Variants in SETD5 observed in about 807,000 individuals in gnomAD.
The protein encoded by SETD5 is histone-lysine N-methyltransferase SETD5.
A neutral mutation model predicts 153.3 loss-of-function variants in SETD5; 44 were observed. That is an observed-to-expected ratio of 0.29 (90% CI 0.23 to 0.37). The LOEUF (loss-of-function observed/expected upper bound fraction) is 0.37, where lower values mean the gene tolerates loss of function less well. Among genes scored for constraint, SETD5 ranks in the 10% least tolerant of loss-of-function variants. SETD5 has a pLI of 1.00. For synonymous variants in SETD5, 716 were observed against 645.2 expected, an observed-to-expected ratio of 1.11 and a Z score of -1.66; for missense variants, 1,544 against 1,768.0, an observed-to-expected ratio of 0.87 and a Z score of 2.27.
At chr3:9,459,626 CA>C (rs1025468077) in intron 17 of SETD5, among the ~76,000 whole-genome samples, 31 of 130,604 alleles carry the variant, frequency 2.4e-4, no homozygotes, top group Admixed American at 2.5e-4. Context: ...ACAACAACAA[CA>C]AAAAAAAAAA....
intron 1 of SETD5, among the ~76,000 whole-genome samples, chr3:9,418,877 A>G (rs887949840): frequency 6.6e-6 from 1 of 151,612 alleles, no homozygotes; most frequent in Non-Finnish European, 1.5e-5. Context: ...GGGTTTCTAG[A>G]GCGCAGTGGT....
chr3:9,476,087 C>T lies in SETD5; in HGVS notation c.4325C>T (p.Ser1442Phe). 1 of 1,611,584 alleles carries T rather than the reference C, an allele frequency of 6.2e-7. No individual in the cohort carries two copies. Residue 1442 changes from serine (S) to phenylalanine (F), a missense_variant, in exon 23 of 23, where the codon TCC becomes TTC. Transcript: ENST00000402198. The stretch of plus-strand genomic sequence containing the variant: ...GGAGTCAAGACTCAGACGGGACTTT[C>T]CTAGGGCTTCTGGATTTGGGCAAAC... ...GSGVKTQTGLS is the reference protein window; with the variant it reads ...GSGVKTQTGLF
chr3:9,403,605 C>T (rs1388313264), intron 1 of SETD5, among the ~76,000 whole-genome samples: 1 of 152,194 alleles, frequency 6.6e-6, no homozygotes, highest in Middle Eastern at 3.2e-3. Flanking sequence ...TAATTTCAGC[C>T]TCATCCTTAG....
chr3:9,406,089 G>C (rs751149086), intron 1 of SETD5, among the ~76,000 whole-genome samples: 3 of 152,102 alleles, frequency 2.0e-5, no homozygotes, highest in African/African-American at 4.8e-5. Context: ...CCTTATTAAC[G>C]TAGGCTGTTG....
At chr3:9,440,396 A>G (rs1575420127) in intron 7 of SETD5, 60 bp from the exon 8 acceptor site, 3 of 907,326 alleles carry the variant, frequency 3.3e-6, no homozygotes, top group Admixed American at 1.9e-5. Flanking sequence ...TCCCACCCCC[A>G]TTCCCAACCC....
chr3:9,432,198 T>C, intron 3 of SETD5: 3 of 739,238 alleles, frequency 4.1e-6, no homozygotes, highest in Non-Finnish European at 5.0e-6. Context: ...GCAGACACTT[T>C]TAAGTAATAA....
At chr3:9,429,703 C>T in intron 3 of SETD5, 1 of 426,994 alleles carries the variant, frequency 2.3e-6, no homozygotes, top group Non-Finnish European at 3.9e-6. Flanking sequence ...ATATATTATT[C>T]ACAGTTTTAA....
chr3:9,421,128 G>T (rs987799761), intron 1 of SETD5, among the ~76,000 whole-genome samples: 14 of 151,774 alleles, frequency 9.2e-5, no homozygotes, highest in African/African-American at 3.1e-4. Flanking sequence ...GCCTGAGCTA[G>T]TTGGCAGCAG....
chr3:9,423,942 C>T (rs183983380), intron 1 of SETD5, among the ~76,000 whole-genome samples: 37 of 152,228 alleles, frequency 2.4e-4, no homozygotes, highest in Admixed American at 5.2e-4. Flanking sequence ...AGAACTGACT[C>T]CTTTTTATCA....
intron 7 of SETD5, chr3:9,436,963 A>T: frequency 7.5e-7 from 1 of 1,333,122 alleles, no homozygotes; most frequent in Non-Finnish European, 1.0e-6. Context: ...CTTTCCTGAC[A>T]TTGATGGTCT....
chr3:9,445,661 T>C lies in SETD5; in HGVS notation c.1445T>C (p.Val482Ala), dbSNP rs187196435. 43 of 1,613,150 alleles carry C rather than the reference T, an allele frequency of 2.7e-5. No homozygotes were observed. Residue 482 changes from valine to alanine, a missense_variant, in exon 13 of 23, where the codon GTA becomes GCA. Coordinates refer to ENST00000402198, the MANE Select transcript of SETD5 (RefSeq NM_001080517.3). ...KVTVSSDHEE[V>A]DNPEEKPEEE... Reference sequence around the variant, plus strand: ...AATATTGCCTCTATCTTAAAGGAAGTAGACAATCCAGAAGAAAAACCAGAA... The same window carrying C: ...AATATTGCCTCTATCTTAAAGGAAGCAGACAATCCAGAAGAAAAACCAGAA...
Position 9,448,484 on chromosome 3 carries a change from A to G in SETD5, c.2200A>G (p.Thr734Ala), listed in dbSNP as rs918034864. ...CACAACGGATCCAACTGTACTGGCAACGACCCTAAACATGTTACCAGGTCT... is the reference window on the plus strand; with the variant it reads ...CACAACGGATCCAACTGTACTGGCAGCGACCCTAAACATGTTACCAGGTCT... ...RITTDPTVLA[T>A]TLNMLPGLIH... is the part of the protein sequence containing the mutation. The change falls in exon 16 of 23, where the codon ACG becomes GCG. Residue 734 changes from threonine to alanine, a missense_variant. Around this residue, in one of 9 missense-constraint regions of SETD5, gnomAD observed 782 missense variants for 787.2 expected, o/e 0.99. Transcript: ENST00000402198. 2.5e-6 allele frequency: 4 copies of G among 1,613,880 alleles called. No homozygotes were observed. The highest frequency in any genetic ancestry group is 2.5e-6 in the Non-Finnish European group (3 of 1,179,900).
Position 9,445,706 on chromosome 3 carries a change from T to C in SETD5, c.1490T>C (p.Ile497Thr), listed in dbSNP as rs377747511. The change falls in exon 13 of 23, where the codon ATA becomes ACA. Residue 497 changes from isoleucine to threonine, a missense_variant. Physicochemically the swap from Ile to Thr is moderately conservative, Grantham distance 89. Transcript: ENST00000402198. ...EKPEEEKEEV[I>T]DDQENLAHSR... ...CCAGAAGAAGAGAAAGAAGAGGTTA[T>C]AGATGACCAGGAGAACCTAGCTCAT... 39 of 1,613,514 alleles carry C rather than the reference T, an allele frequency of 2.4e-5. No homozygotes were observed. Among genetic ancestry groups the C allele is most frequent in the South Asian group, 1.1e-5 (1 of 91,054 alleles).
At chr3:9,472,308 T>C (rs557144162) in intron 19 of SETD5, among the ~76,000 whole-genome samples, 4 of 152,298 alleles carry the variant, frequency 2.6e-5, no homozygotes, top group South Asian at 2.1e-4. Flanking sequence ...CTAGAACTTA[T>C]AGTTTAGTCA....
Position 9,476,252 on chromosome 3 carries a change from C to G in SETD5, c.*161C>G. ...AAACAAGACTTGTGGTCACAATTGG[C>G]CTCTGGCCTTGGAGAAAGCTGTAAA... On this transcript the variant is annotated 3_prime_UTR_variant, in exon 23 of 23. Coordinates refer to ENST00000402198, the MANE Select transcript of SETD5 (RefSeq NM_001080517.3). 1 of 1,006,246 alleles carries G rather than the reference C, an allele frequency of 9.9e-7. No individual in the cohort carries two copies. Among genetic ancestry groups the G allele is most frequent in the Non-Finnish European group, 1.4e-6 (1 of 708,514 alleles). The allele number at this position is 1,006,246 out of a possible 1,614,324, so 62.3% of individuals were successfully genotyped here.
intron 1 of SETD5, among the ~76,000 whole-genome samples, chr3:9,421,052 A>G (rs1054765944): frequency 6.6e-6 from 1 of 151,936 alleles, no homozygotes; most frequent in Non-Finnish European, 1.5e-5. Flanking sequence ...AGTCAGCACA[A>G]CAGGTATTTT....
Position 9,464,493 on chromosome 3 carries a change from C to T in SETD5, c.2545C>T (p.Arg849Trp). The change falls in exon 18 of 23, where the codon CGG becomes TGG. Residue 849 changes from arginine (R) to tryptophan (W), a missense_variant. Arg to Trp is a moderately radical substitution (Grantham distance 101, BLOSUM62 -3). Around this residue, in one of 9 missense-constraint regions of SETD5, gnomAD observed 782 missense variants for 787.2 expected, o/e 0.99. Coordinates refer to ENST00000402198, the MANE Select transcript of SETD5 (RefSeq NM_001080517.3). ...LMEQNVTKLLRPLSPVTPPPP... is the reference protein window; with the variant it reads ...LMEQNVTKLLWPLSPVTPPPP... ...GGAGCAGAATGTCACCAAGTTACTTCGGCCTCTGTCTCCAGTCACACCACC... is the reference window on the plus strand; with the variant it reads ...GGAGCAGAATGTCACCAAGTTACTTTGGCCTCTGTCTCCAGTCACACCACC... 1.2e-6 allele frequency: 2 copies of T among 1,614,008 alleles called. No individual in the cohort carries two copies. The highest frequency in any genetic ancestry group is 1.7e-6 in the Non-Finnish European group (2 of 1,179,866).
chr3:9,408,256 G>C (rs1380238821), intron 1 of SETD5, among the ~76,000 whole-genome samples: 3 of 152,142 alleles, frequency 2.0e-5, no homozygotes, highest in Non-Finnish European at 4.4e-5. Flanking sequence ...CGATTTATCT[G>C]TTGACCTCTC....
intron 17 of SETD5, among the ~76,000 whole-genome samples, chr3:9,456,762 G>A (rs1348540458): frequency 6.6e-6 from 1 of 151,280 alleles, no homozygotes; most frequent in African/African-American, 2.4e-5. Flanking sequence ...ATCACGAGGT[G>A]AAAAGATTGA....
Sources: allele counts gnomAD v4.1 joint callset (sites outside exome capture counted in the v4.1 genomes callset), GRCh38; gene constraint gnomAD v4.1.1; regional missense constraint gnomAD v4.1.1; transcripts MANE v1.5; gene names NCBI Gene and HGNC (gene_info 2026-07-23, HGNC 2026-07-21).